MTHFD2L: variants seen among roughly 807,000 people sequenced by gnomAD.
The protein encoded by MTHFD2L is methylenetetrahydrofolate dehydrogenase (NADP+ dependent) 2 like.
In MTHFD2L, 29 loss-of-function variants were observed where a neutral mutation model predicts 34.9. The ratio of observed to expected loss-of-function variants is 0.83; its 90% CI spans 0.62 to 1.13. MTHFD2L has a LOEUF of 1.13. MTHFD2L is among the 50% of genes most tolerant of loss of function. The pLI is 0.00. For missense variants in MTHFD2L, 481 were observed against 446.5 expected, an observed-to-expected ratio of 1.08 and a Z score of -0.70; for synonymous variants, 167 against 155.7, an observed-to-expected ratio of 1.07 and a Z score of -0.54.
intron 6 of MTHFD2L, among the ~76,000 whole-genome samples, chr4:74,270,261 C>T (rs1360581323): frequency 6.6e-6 from 1 of 151,946 alleles, no homozygotes; most frequent in African/African-American, 2.4e-5. Flanking sequence ...TGTGGGTGTG[C>T]TGCACCCATT....
At chr4:74,128,784 T>C (rs1269796876) in intron 1 of MTHFD2L, among the ~76,000 whole-genome samples, 1 of 152,096 alleles carries the variant, frequency 6.6e-6, no homozygotes, top group Non-Finnish European at 1.5e-5. Flanking sequence ...AGGGATTGCA[T>C]TGAATCTCTA....
Position 74,220,238 on chromosome 4 carries a change from C to G in MTHFD2L, c.713-5064C>G, listed in dbSNP as rs1737933657. On this transcript the variant is annotated intron_variant, in intron 5 of 7. Coordinates refer to ENST00000325278, the MANE Select transcript of MTHFD2L (RefSeq NM_001144978.3). ...GTGGGTGCTTTATAATTTTGATAAC[C>G]TTGGGATGGTTATAAATATATACTC... is the stretch of plus-strand genomic sequence containing the variant. Among the ~76,000 whole-genome samples, 4 of 151,792 alleles carry G rather than the reference C, an allele frequency of 2.6e-5. No homozygotes were observed. In the South Asian group the frequency reaches 8.3e-4, roughly 32 times the overall value.
intron 5 of MTHFD2L, among the ~76,000 whole-genome samples, chr4:74,202,382 C>CT (rs1176349836): frequency 7.9e-5 from 12 of 152,294 alleles, no homozygotes; most frequent in African/African-American, 2.6e-4. Context: ...TGCCTTCAGA[C>CT]TGATTTATTA....
chr4:74,214,898 C>T (rs962143969), intron 5 of MTHFD2L, among the ~76,000 whole-genome samples: 1 of 151,740 alleles, frequency 6.6e-6, no homozygotes, highest in Admixed American at 6.6e-5. Flanking sequence ...TTCAGAGGTG[C>T]CCTGCCCAGT....
intron 7 of MTHFD2L, among the ~76,000 whole-genome samples, chr4:74,296,311 G>A (rs1749625168): frequency 2.0e-5 from 3 of 152,092 alleles, no homozygotes. Flanking sequence ...GAATAACTCT[G>A]GCAGCAAATT....
chr4:74,264,959 A>G (rs1347840311), intron 6 of MTHFD2L, among the ~76,000 whole-genome samples: 2 of 152,202 alleles, frequency 1.3e-5, no homozygotes, highest in Admixed American at 6.5e-5. Context: ...ATTAAGATCT[A>G]TTGGAAAACA....
chr4:74,154,427 T>C (rs886904887), upstream of MTHFD2L, among the ~76,000 whole-genome samples: 1 of 152,162 alleles, frequency 6.6e-6, no homozygotes, highest in Non-Finnish European at 1.5e-5. Context: ...ATTTTAGGAA[T>C]TCTGCATCAT....
In MTHFD2L at chr4:74,224,316, G is replaced by A. The variant is rs1161787589; in HGVS notation, c.713-986G>A. On this transcript the variant is annotated intron_variant, in intron 5 of 7. Transcript: ENST00000325278. ...TCAATTTCAGAGATCTGCCGCTGCCGGCCATGTTGTCATTCTCCGCATTTC... is the reference window on the plus strand; with the variant it reads ...TCAATTTCAGAGATCTGCCGCTGCCAGCCATGTTGTCATTCTCCGCATTTC... 2.6e-5 allele frequency among the ~76,000 whole-genome samples: 4 copies of A among 152,056 alleles called. No individual in the cohort carries two copies. The East Asian group carries it at 5.8e-4, about 22-fold the overall frequency.
intron 6 of MTHFD2L, among the ~76,000 whole-genome samples, chr4:74,226,134 C>A (rs1160472919): frequency 1.3e-5 from 2 of 151,924 alleles, no homozygotes. Context: ...ACATAAGTGG[C>A]ATTTCATAGA....
chr4:74,181,321 A>G (rs990842693), intron 3 of MTHFD2L, among the ~76,000 whole-genome samples: 1 of 152,176 alleles, frequency 6.6e-6, no homozygotes, highest in Non-Finnish European at 1.5e-5. Flanking sequence ...GGAATGGTAA[A>G]TATGTACTAT....
intron 1 of MTHFD2L, among the ~76,000 whole-genome samples, chr4:74,159,628 C>G (rs930022656): frequency 2.4e-4 from 36 of 152,194 alleles, no homozygotes; most frequent in African/African-American, 7.2e-4. Context: ...ACAACAGTTA[C>G]AACCCCAAAA....
Position 74,176,232 on chromosome 4 carries a change from A to G in MTHFD2L, c.451+829A>G, listed in dbSNP as rs115457327. 3.2e-3 allele frequency among the ~76,000 whole-genome samples: 480 copies of G among 152,154 alleles called. 5 individuals are homozygous for G. The highest frequency in any genetic ancestry group is 3.8e-3 in the Non-Finnish European group (256 of 67,932). On this transcript the variant is annotated intron_variant, in intron 3 of 7. Coordinates refer to ENST00000325278, the MANE Select transcript of MTHFD2L (RefSeq NM_001144978.3). ...TCTCTCCAAAGGATTCAGTGTCAGCATTCTATGGTCAGCTATTTCTCCTAC... is the reference window on the plus strand; with the variant it reads ...TCTCTCCAAAGGATTCAGTGTCAGCGTTCTATGGTCAGCTATTTCTCCTAC...
chr4:74,260,274 G>A (rs1473007108), intron 6 of MTHFD2L, among the ~76,000 whole-genome samples: 1 of 152,154 alleles, frequency 6.6e-6, no homozygotes, highest in African/African-American at 2.4e-5. Flanking sequence ...TTGATTGGGA[G>A]TTCCCAGTTT....
At chr4:74,281,146 G>GATGCTGCTCA (rs1338252117) in intron 6 of MTHFD2L, among the ~76,000 whole-genome samples, 2 of 152,036 alleles carry the variant, frequency 1.3e-5, no homozygotes, top group African/African-American at 2.4e-5. Context: ...CATACAAAAG[G>GATGCTGCTCA]ATGCTGCTCA....
chr4:74,175,338 A>C lies in MTHFD2L; in HGVS notation c.386A>C (p.Asp129Ala). 1 of 1,613,312 alleles carries C rather than the reference A, an allele frequency of 6.2e-7. No homozygotes were observed. Among genetic ancestry groups the C allele is most frequent in the Non-Finnish European group, 8.5e-7 (1 of 1,179,448 alleles). ...PKDVSQEELL[D>A]VTDQLNMDPR... The stretch of plus-strand genomic sequence containing the variant: ...GATGTTTCTCAGGAAGAACTTTTGG[A>C]CGTAACTGATCAATTGAATATGGAC... The change falls in exon 3 of 8, where the codon GAC (aspartate) becomes GCC (alanine). Residue 129 changes from aspartate to alanine, a missense_variant. Transcript: ENST00000325278.
chr4:74,241,155 C>G (rs2110169828), intron 6 of MTHFD2L, among the ~76,000 whole-genome samples: 1 of 152,088 alleles, frequency 6.6e-6, no homozygotes. Context: ...GAAAAGAAAC[C>G]CCTCTACCTG....
chr4:74,229,082 T>C (rs954551845), intron 6 of MTHFD2L, among the ~76,000 whole-genome samples: 1 of 152,208 alleles, frequency 6.6e-6, no homozygotes, highest in Non-Finnish European at 1.5e-5. Flanking sequence ...GATTTGTATG[T>C]AGTTCTGCAG....
chr4:74,162,455 A>G (rs1214833711), intron 1 of MTHFD2L, among the ~76,000 whole-genome samples: 1 of 150,978 alleles, frequency 6.6e-6, no homozygotes, highest in Non-Finnish European at 1.5e-5. Flanking sequence ...AAGATTCATA[A>G]TTCTAAAGTG....
upstream of MTHFD2L, among the ~76,000 whole-genome samples, chr4:74,153,700 T>C (rs539910564): frequency 5.3e-5 from 8 of 152,260 alleles, no homozygotes; most frequent in African/African-American, 1.9e-4. Flanking sequence ...CTTTAAAGAT[T>C]CTCTTCTGGT....
Sources: allele counts gnomAD v4.1 joint callset (sites outside exome capture counted in the v4.1 genomes callset), GRCh38; gene constraint gnomAD v4.1.1; transcripts MANE v1.5; gene names NCBI Gene and HGNC (gene_info 2026-07-23, HGNC 2026-07-21).